Variants in CXCR4 observed in about 807,000 individuals in gnomAD.
The protein encoded by CXCR4 is C-X-C chemokine receptor type 4.
CXCR4 carries 6 observed loss-of-function variants against 22.4 expected under a neutral mutation model. That is an observed-to-expected ratio of 0.27 (90% confidence interval 0.15 to 0.53). CXCR4 has a LOEUF of 0.53. CXCR4 is among the 20% of genes least tolerant of loss of function. The pLI, the probability that CXCR4 is intolerant of heterozygous loss-of-function variation, is 0.96. For synonymous variants in CXCR4, 155 were observed against 171.7 expected, an observed-to-expected ratio of 0.90 and a Z score of 0.76; for missense variants, 300 against 430.4, an observed-to-expected ratio of 0.70 and a Z score of 2.68.
rs1684872314 is a variant in CXCR4 at position 136,115,833 on chromosome 2, T to G, written c.95A>C (p.Glu32Ala). The change falls in exon 2 of 2, where the codon GAA becomes GCA. Residue 32 changes from glutamate to alanine, a missense_variant. Transcript: ENST00000241393. This position sits in a 1 kb window ranked among gnomAD's most constrained non-coding sequence, Gnocchi z 6.4. ...GAAGATTTTATTGAAATTAGCATTTTCTTCACGGAAACAGGGTTCCTTCAT... is the reference window on the plus strand; with the variant it reads ...GAAGATTTTATTGAAATTAGCATTTGCTTCACGGAAACAGGGTTCCTTCAT... ...DSMKEPCFREENANFNKIFLP... is the reference protein window; with the variant it reads ...DSMKEPCFREANANFNKIFLP... The G allele has an allele frequency of 1.9e-6, 3 of 1,614,196 alleles. No individual in the cohort carries two copies. The African/African-American group carries it at 4.0e-5, about 22-fold the overall frequency.
chr2:136,114,987 T>C lies in CXCR4; in HGVS notation c.941A>G (p.Gln314Arg). ...TCTGCTCACAGAGGTGAGTGCGTGCTGGGCAGAGGTTTTAAATTTGGCTCC... is the reference window on the plus strand; with the variant it reads ...TCTGCTCACAGAGGTGAGTGCGTGCCGGGCAGAGGTTTTAAATTTGGCTCC... ...FLGAKFKTSA[Q>R]HALTSVSRGS... Residue 314 changes from glutamine to arginine, a missense_variant, in exon 2 of 2, where the codon CAG (glutamine) becomes CGG (arginine). Gln to Arg is a conservative substitution (Grantham distance 43). This residue lies in a region of CXCR4 where 45 missense variants were observed against 89.1 expected (regional missense o/e 0.51). Transcript: ENST00000241393. The C allele has an allele frequency of 6.2e-7, 1 of 1,614,186 alleles. No homozygotes were observed. The highest frequency in any genetic ancestry group is 8.5e-7 in the Non-Finnish European group (1 of 1,180,018).
Position 136,114,761 on chromosome 2 carries a change from C to T in CXCR4, c.*108G>A. ...ACTAAAGAAACACAAGACAAAAATC[C>T]AACAAGCAATAAAAACTGTACAATA... On this transcript the variant is annotated 3_prime_UTR_variant, in exon 2 of 2. Transcript: ENST00000241393. The T allele has an allele frequency of 1.0e-6, 1 of 994,744 alleles. No homozygotes were observed. Among genetic ancestry groups the T allele is most frequent in the South Asian group, 1.7e-5 (1 of 60,194 alleles). 61.6% of individuals were successfully genotyped at this position (994,744 alleles called of 1,614,324 possible). A position where few individuals can be genotyped will look rare whatever the true frequency, so the allele number is the denominator to read the frequency against.
In CXCR4 at chr2:136,118,112, G is replaced by T; in HGVS notation, c.-52C>A. The T allele has an allele frequency of 1.2e-6, 2 of 1,602,052 alleles. No individual in the cohort carries two copies. Among genetic ancestry groups the T allele is most frequent in the African/African-American group, 1.3e-5 (1 of 74,742 alleles). On this transcript the variant is annotated 5_prime_UTR_variant, in exon 1 of 2. Transcript: ENST00000241393. ...TGGCTACTGGAGCACTCAGGCCCTC[G>T]GCGTCACTTTGCTACCTGCTGCCGC... is the stretch of plus-strand genomic sequence containing the variant.
At chr2:136,117,973 G>T (rs1352723115) in intron 1 of CXCR4, 73 bp downstream of exon 1, 4 of 1,469,956 alleles carry the variant, frequency 2.7e-6, no homozygotes, top group African/African-American at 1.4e-5. Context: ...GCTTCTGCCC[G>T]CTCGGAGAGG....
intron 1 of CXCR4, chr2:136,117,410 C>A (rs1047711401): frequency 6.6e-6 from 1 of 152,518 alleles, no homozygotes; most frequent in African/African-American, 2.4e-5. Context: ...GCTGCTGCCA[C>A]CACTCGATCC....
At chr2:136,116,502 T>A (rs918245713) in intron 1 of CXCR4, among the ~76,000 whole-genome samples, 7 of 152,026 alleles carry the variant, frequency 4.6e-5, no homozygotes, top group Non-Finnish European at 8.8e-5. Context: ...CAACTTGTAG[T>A]GGGTAAAGAG....
intron 1 of CXCR4, 50 bp downstream of exon 1, chr2:136,117,996 A>G (rs748544535): frequency 1.2e-6 from 2 of 1,601,428 alleles, no homozygotes; most frequent in Non-Finnish European, 8.6e-7. Flanking sequence ...CTGCGCTCTA[A>G]GTTCAAACGT....
Position 136,115,215 on chromosome 2 carries a change from A to T in CXCR4, c.713T>A (p.Leu238His). The part of the protein sequence containing the change: ...HSKGHQKRKA[L>H]KTTVILILAF... Reference sequence around the variant, plus strand: ...CAGGATGAGGATGACTGTGGTCTTGAGGGCCTTGCGCTTCTGGTGGCCCTT... The same window carrying T: ...CAGGATGAGGATGACTGTGGTCTTGTGGGCCTTGCGCTTCTGGTGGCCCTT... Residue 238 changes from leucine to histidine, a missense_variant, in exon 2 of 2, where the codon CTC becomes CAC. Physicochemically the swap from Leu to His is moderately conservative, Grantham distance 99. Around this residue, in one of 3 missense-constraint regions of CXCR4, gnomAD observed 137 missense variants for 153.2 expected, o/e 0.89. Transcript: ENST00000241393. The surrounding 1 kb of genome is among the most constrained non-coding windows in gnomAD (Gnocchi z 6.4). The T allele has an allele frequency of 6.2e-7, 1 of 1,614,034 alleles. No individual in the cohort carries two copies. The highest frequency in any genetic ancestry group is 8.5e-7 in the Non-Finnish European group (1 of 1,180,000).
Position 136,115,176 on chromosome 2 carries a change from C to A in CXCR4, c.752G>T (p.Cys251Phe), listed in dbSNP as rs2104916053. The A allele has an allele frequency of 6.2e-7, 1 of 1,614,190 alleles. No individual in the cohort carries two copies. The highest frequency in any genetic ancestry group is 1.7e-5 in the Admixed American group (1 of 60,026). Residue 251 changes from cysteine (C) to phenylalanine (F), a missense_variant, in exon 2 of 2, where the codon TGT (cysteine) becomes TTT (phenylalanine). Around this residue, in one of 3 missense-constraint regions of CXCR4, gnomAD observed 137 missense variants for 153.2 expected, o/e 0.89. Transcript: ENST00000241393. The surrounding 1 kb of genome is among the most constrained non-coding windows in gnomAD (Gnocchi z 6.4). ...GATCCCAATGTAGTAAGGCAGCCAA[C>A]AGGCGAAGAAAGCCAGGATGAGGAT... is the stretch of plus-strand genomic sequence containing the variant. ...TVILILAFFA[C>F]WLPYYIGISI...
At chr2:136,116,447 A>G (rs1684894582) in intron 1 of CXCR4, among the ~76,000 whole-genome samples, 1 of 152,108 alleles carries the variant, frequency 6.6e-6, no homozygotes, top group African/African-American at 2.4e-5. Context: ...GCAAAAACTT[A>G]ATTTTCCCAC....
rs770327175 is a variant in CXCR4 at position 136,115,878 on chromosome 2, C to T, written c.50G>A (p.Gly17Asp). ...CTTCATGGAGTCATAGTCCCCTGAG[C>T]CCATTTCCTCGGTGTAGTTATCTGA... is the stretch of plus-strand genomic sequence containing the variant. ...YTSDNYTEEM[G>D]SGDYDSMKEP... is the part of the protein sequence containing the mutation. The change falls in exon 2 of 2, where the codon GGC becomes GAC. Residue 17 changes from glycine to aspartate, a missense_variant. Transcript: ENST00000241393. This position sits in a 1 kb window ranked among gnomAD's most constrained non-coding sequence, Gnocchi z 6.4. The T allele has an allele frequency of 4.3e-6, 7 of 1,613,998 alleles. No individual in the cohort carries two copies. In the Admixed American group the frequency reaches 8.3e-5, roughly 19 times the overall value.
In CXCR4 at chr2:136,115,555, G is replaced by C. The variant is rs1001278766; in HGVS notation, c.373C>G (p.Leu125Val). 13 of 1,614,058 alleles carry C rather than the reference G, an allele frequency of 8.1e-6. No homozygotes were observed. The highest frequency in any genetic ancestry group is 1.1e-5 in the Non-Finnish European group (13 of 1,180,032). The change falls in exon 2 of 2, where the codon CTC becomes GTC. Residue 125 changes from leucine to valine, a missense_variant. Around this residue, in one of 3 missense-constraint regions of CXCR4, gnomAD observed 118 missense variants for 188.2 expected, o/e 0.63. Coordinates refer to ENST00000241393, the MANE Select transcript of CXCR4 (RefSeq NM_003467.3). This position sits in a 1 kb window ranked among gnomAD's most constrained non-coding sequence, Gnocchi z 6.4. ...TCCAGACTGATGAAGGCCAGGATGA[G>C]GACACTGCTGTAGAGGTTGACTGTG... ...IYTVNLYSSV[L>V]ILAFISLDRY... is the part of the protein sequence containing the mutation.
Position 136,115,097 on chromosome 2 carries a change from C to T in CXCR4, c.831G>A (p.Glu277=). The change falls in exon 2 of 2, where the codon GAG becomes GAA. Residue 277 remains glutamate, a synonymous_variant. Transcript: ENST00000241393. The surrounding 1 kb of genome is among the most constrained non-coding windows in gnomAD (Gnocchi z 6.4). ...TGGAAATCCACTTGTGCACAGTGTT[C>T]TCAAACTCACACCCTTGCTTGATGA... The part of the protein sequence containing the change: ...LEIIKQGCEF[E]NTVHKWISIT... 1 of 1,614,212 alleles carries T rather than the reference C, an allele frequency of 6.2e-7. No homozygotes were observed. Among genetic ancestry groups the T allele is most frequent in the Non-Finnish European group, 8.5e-7 (1 of 1,180,048 alleles).
At chr2:136,116,133 A>G (rs1684882928) in intron 1 of CXCR4, 2 of 1,448,408 alleles carry the variant, frequency 1.4e-6, no homozygotes, top group South Asian at 3.0e-5. Context: ...CTTTGGTAGA[A>G]CCAATTACAA....
At chr2:136,117,583 T>A (rs1684946564) in intron 1 of CXCR4, 1 of 160,076 alleles carries the variant, frequency 6.2e-6, no homozygotes, top group Non-Finnish European at 1.4e-5. Flanking sequence ...GCGGGCGCAA[T>A]CTCCTCCTGG....
chr2:136,115,242 G>T lies in CXCR4; in HGVS notation c.686C>A (p.Ser229Tyr). ...GGCCTTGCGCTTCTGGTGGCCCTTGGAGTGTGACAGCTTGGAGATGATAAT... is the reference window on the plus strand; with the variant it reads ...GGCCTTGCGCTTCTGGTGGCCCTTGTAGTGTGACAGCTTGGAGATGATAAT... ...YCIIISKLSH[S>Y]KGHQKRKALK... The change falls in exon 2 of 2, where the codon TCC (serine) becomes TAC (tyrosine). Residue 229 changes from serine to tyrosine, a missense_variant. By Grantham distance (144) the Ser-to-Tyr change is moderately radical (BLOSUM62 -2). Around this residue, in one of 3 missense-constraint regions of CXCR4, gnomAD observed 137 missense variants for 153.2 expected, o/e 0.89. Coordinates refer to ENST00000241393, the MANE Select transcript of CXCR4 (RefSeq NM_003467.3). This position sits in a 1 kb window ranked among gnomAD's most constrained non-coding sequence, Gnocchi z 6.4. The T allele has an allele frequency of 6.2e-7, 1 of 1,614,126 alleles. No individual in the cohort carries two copies. The highest frequency in any genetic ancestry group is 8.5e-7 in the Non-Finnish European group (1 of 1,180,028).
At position 136,118,087 on chromosome 2, in the gene CXCR4, T is replaced by G. The variant is rs1429467535; in HGVS notation, c.-27A>C. The G allele has an allele frequency of 6.2e-7, 1 of 1,612,670 alleles. No individual in the cohort carries two copies. Among genetic ancestry groups the G allele is most frequent in the Non-Finnish European group, 8.5e-7 (1 of 1,178,878 alleles). On this transcript the variant is annotated 5_prime_UTR_variant, in exon 1 of 2. Coordinates refer to ENST00000241393, the MANE Select transcript of CXCR4 (RefSeq NM_003467.3). Reference sequence around the variant, plus strand: ...GTAACCGCTGGTTCTCCAGATGCGGTGGCTACTGGAGCACTCAGGCCCTCG... The same window carrying G: ...GTAACCGCTGGTTCTCCAGATGCGGGGGCTACTGGAGCACTCAGGCCCTCG...
Position 136,114,836 on chromosome 2 carries a change from T to C in CXCR4, c.*33A>G. 1 of 1,551,090 alleles carries C rather than the reference T, an allele frequency of 6.4e-7. No individual in the cohort carries two copies. Among genetic ancestry groups the C allele is most frequent in the Non-Finnish European group, 8.8e-7 (1 of 1,141,666 alleles). On this transcript the variant is annotated 3_prime_UTR_variant, in exon 2 of 2. Coordinates refer to ENST00000241393, the MANE Select transcript of CXCR4 (RefSeq NM_003467.3). The stretch of plus-strand genomic sequence containing the variant: ...AATGTGTAACTTAAAAAAAAGTTAT[T>C]TATCGTATAAAAAAAAGTCTTTTAC...
chr2:136,114,602 T>A lies in CXCR4; in HGVS notation c.*267A>T. The A allele has an allele frequency of 2.8e-6, 1 of 355,338 alleles. No homozygotes were observed. Among genetic ancestry groups the A allele is most frequent in the South Asian group, 4.1e-5 (1 of 24,234 alleles). The allele number at this position is 355,338 out of a possible 1,614,324, so 22.0% of individuals were successfully genotyped here. A position where few individuals can be genotyped will look rare whatever the true frequency, so the allele number is the denominator to read the frequency against. On this transcript the variant is annotated 3_prime_UTR_variant, in exon 2 of 2. Coordinates refer to ENST00000241393, the MANE Select transcript of CXCR4 (RefSeq NM_003467.3). ...ACGTGATTCACTACACGCTCTGGAATGTTCAGTTCCCTTTTCTACAGTCCT... is the reference window on the plus strand; with the variant it reads ...ACGTGATTCACTACACGCTCTGGAAAGTTCAGTTCCCTTTTCTACAGTCCT...
Sources: gnomAD v4.1 joint callset for allele counts (sites outside exome capture counted in the v4.1 genomes callset) on GRCh38, gnomAD v4.1.1 for gene constraint, gnomAD v4.1.1 regional missense constraint, Gnocchi (gnomAD v3.1) non-coding constraint, MANE v1.5 for transcripts, NCBI Gene and HGNC (gene_info 2026-07-23, HGNC 2026-07-21) for gene names.